CACNA1C: variants seen among roughly 807,000 people sequenced by gnomAD.
The protein encoded by CACNA1C is calcium voltage-gated channel subunit alpha1 C, also known as voltage-dependent L-type calcium channel subunit alpha-1C.
CACNA1C carries 30 observed loss-of-function variants against 229.0 expected under a neutral mutation model. The observed-to-expected ratio is 0.13, with a 90% CI of 0.10 to 0.18. CACNA1C has a LOEUF of 0.18. Ranked by LOEUF, CACNA1C falls within the 10% of genes least tolerant of loss-of-function variation. The pLI is 1.00. For missense variants in CACNA1C, 1,658 were observed against 2,845.0 expected, an observed-to-expected ratio of 0.58 and a Z score of 9.49; for synonymous variants, 1,114 against 1,132.5, an observed-to-expected ratio of 0.98 and a Z score of 0.33.
intron 3 of CACNA1C, among the ~76,000 whole-genome samples, chr12:2,157,449 C>G (rs917301607): frequency 6.6e-6 from 1 of 152,200 alleles, no homozygotes; most frequent in Non-Finnish European, 1.5e-5. Context: ...GCAGCACGCC[C>G]GGGGCGAATA....
In CACNA1C at chr12:2,651,943, C is replaced by T. The variant is rs2095034593; in HGVS notation, c.4074+175C>T. 6.6e-6 allele frequency among the ~76,000 whole-genome samples: 1 copy of T among 151,954 alleles called. No homozygotes were observed. Among genetic ancestry groups the T allele is most frequent in the African/African-American group, 2.4e-5 (1 of 41,360 alleles). ...TCCGCACCGAGAGGCCTAGACGAAG[C>T]ATGTGGTTTCCAAGGCAGGCTCAGA... On this transcript the variant is annotated intron_variant, in intron 32 of 46. Coordinates refer to ENST00000399655, the MANE Select transcript of CACNA1C (RefSeq NM_000719.7). This position sits in a 1 kb window ranked among gnomAD's most constrained non-coding sequence, Gnocchi z 5.4.
intron 3 of CACNA1C, among the ~76,000 whole-genome samples, chr12:2,137,153 A>G (rs532719769): frequency 2.0e-5 from 3 of 151,422 alleles, no homozygotes; most frequent in African/African-American, 7.2e-5. Context: ...GGAGACGTGG[A>G]AACATCGAAG....
chr12:2,291,429 CTT>C (rs900725101), intron 3 of CACNA1C, among the ~76,000 whole-genome samples: 3 of 152,196 alleles, frequency 2.0e-5, no homozygotes, highest in Non-Finnish European at 4.4e-5. Context: ...CTCGACTGCT[CTT>C]TGGTGAGCAG....
rs565229805 is a variant in CACNA1C at position 1,986,078 on chromosome 12, G to A, written c.139+14877G>A. Among the ~76,000 whole-genome samples, 6 of 152,356 alleles carry A rather than the reference G, an allele frequency of 3.9e-5. No individual in the cohort carries two copies. The South Asian group carries it at 1.2e-3, about 32-fold the overall frequency. Reference sequence around the variant, plus strand: ...TCTGCCCGCCTTGGCCTCCCAAAGTGCTGGGATTACAGGCGTGAGCCACTG... The same window carrying A: ...TCTGCCCGCCTTGGCCTCCCAAAGTACTGGGATTACAGGCGTGAGCCACTG... On this transcript the variant is annotated intron_variant, in intron 1 of 46. Coordinates refer to the CACNA1C transcript ENST00000682462.
At chr12:2,352,232 T>G (rs2097221477) in intron 3 of CACNA1C, among the ~76,000 whole-genome samples, 1 of 152,178 alleles carries the variant, frequency 6.6e-6, no homozygotes, top group East Asian at 1.9e-4. Flanking sequence ...AGACATTACT[T>G]TCTTCTCCCA....
At chr12:1,977,083 G>A (rs2034623977) in intron 1 of CACNA1C, among the ~76,000 whole-genome samples, 1 of 152,166 alleles carries the variant, frequency 6.6e-6, no homozygotes, top group Non-Finnish European at 1.5e-5. Flanking sequence ...AATTTACACA[G>A]AGTTCACTTT....
At position 2,582,364 on chromosome 12, in the gene CACNA1C, T is replaced by C. The variant is rs368175241; in HGVS notation, c.2104-458T>C. 4.6e-5 allele frequency among the ~76,000 whole-genome samples: 7 copies of C among 152,302 alleles called. No individual in the cohort carries two copies. The South Asian group carries it at 6.2e-4, about 14-fold the overall frequency. ...GGGCAAACTCAAAGTGGCATCTATTTAAGTTTAAAAGCAGATCGATTGAGA... is the reference window on the plus strand; with the variant it reads ...GGGCAAACTCAAAGTGGCATCTATTCAAGTTTAAAAGCAGATCGATTGAGA... On this transcript the variant is annotated intron_variant, in intron 14 of 46. Transcript: ENST00000399655.
At chr12:2,673,465 TAAAAAA>T (rs527320564) in intron 38 of CACNA1C, among the ~76,000 whole-genome samples, 1 of 100,694 alleles carries the variant, frequency 9.9e-6, no homozygotes, top group Admixed American at 1.1e-4. Flanking sequence ...AACTTCCGTC[TAAAAAA>T]AAAAAAAAAA....
intron 7 of CACNA1C, among the ~76,000 whole-genome samples, chr12:2,497,009 A>G (rs888599886): frequency 2.0e-4 from 30 of 152,226 alleles, no homozygotes; most frequent in Non-Finnish European, 1.5e-5. Flanking sequence ...GGAAGAACCT[A>G]ATGTGTAACG....
intron 1 of CACNA1C, among the ~76,000 whole-genome samples, chr12:2,039,599 A>G (rs982501786): frequency 4.6e-5 from 7 of 152,230 alleles, no homozygotes; most frequent in African/African-American, 1.2e-4. Flanking sequence ...TTGGGAATAC[A>G]GGAGGTAAAC....
chr12:2,666,469 A>T lies in CACNA1C; in HGVS notation c.4527-217A>T, dbSNP rs937825688. The T allele has an allele frequency of 8.9e-6, 4 of 449,420 alleles. No homozygotes were observed. The highest frequency in any genetic ancestry group is 1.6e-5 in the Non-Finnish European group (4 of 254,866). The allele number at this position is 449,420 out of a possible 1,614,324, so 27.8% of individuals were successfully genotyped here. On this transcript the variant is annotated intron_variant, in intron 36 of 46. Coordinates refer to ENST00000399655, the MANE Select transcript of CACNA1C (RefSeq NM_000719.7). The surrounding 1 kb of genome is among the most constrained non-coding windows in gnomAD (Gnocchi z 5.3). ...CACCTTGAACATAGCATGGGCAGAA[A>T]ATGATTCATTAAAATCTAAACACGT...
At chr12:2,547,635 T>C (rs2099884083) in intron 9 of CACNA1C, 3 of 702,580 alleles carry the variant, frequency 4.3e-6, no homozygotes, top group Non-Finnish European at 7.9e-6. Flanking sequence ...TGTGTGTGCA[T>C]ATATGTGTAT....
chr12:2,256,257 T>C (rs1430199331), intron 3 of CACNA1C, among the ~76,000 whole-genome samples: 1 of 152,170 alleles, frequency 6.6e-6, no homozygotes, highest in African/African-American at 2.4e-5. Context: ...CTTGCACATA[T>C]TAAATTTTGA....
In CACNA1C at chr12:2,664,957, C is replaced by T; in HGVS notation, c.4365C>T (p.Tyr1455=). 6.2e-7 allele frequency: 1 copy of T among 1,614,206 alleles called. No individual in the cohort carries two copies. Among genetic ancestry groups the T allele is most frequent in the Non-Finnish European group, 8.5e-7 (1 of 1,180,018 alleles). ...GTGGTAGCAGCTTTGCTGTCTTCTA[C>T]TTCATCAGCTTCTACATGCTCTGTG... The part of the protein sequence containing the change: ...TPCGSSFAVF[Y]FISFYMLCAF... The change falls in exon 35 of 47, where the codon TAC becomes TAT. Residue 1455 remains tyrosine (Y), a synonymous_variant. Transcript: ENST00000399655.
At chr12:2,527,791 G>A (rs1020903728) in intron 9 of CACNA1C, among the ~76,000 whole-genome samples, 2 of 152,120 alleles carry the variant, frequency 1.3e-5, no homozygotes, top group African/African-American at 4.8e-5. Flanking sequence ...GAGAGCATCT[G>A]CTTGACATGA....
intron 8 of CACNA1C, among the ~76,000 whole-genome samples, chr12:2,510,929 A>C (rs1443596969): frequency 1.3e-5 from 2 of 152,174 alleles, no homozygotes; most frequent in Non-Finnish European, 2.9e-5. Flanking sequence ...GGTACAGGGG[A>C]TAAGAGGTTA....
intron 7 of CACNA1C, among the ~76,000 whole-genome samples, chr12:2,495,295 A>G (rs2099744465): frequency 6.6e-6 from 1 of 152,238 alleles, no homozygotes; most frequent in African/African-American, 2.4e-5. Context: ...CCAAGGACAG[A>G]AACATCCTTC....
At chr12:2,280,471 C>T (rs538799047) in intron 3 of CACNA1C, among the ~76,000 whole-genome samples, 1 of 80,316 alleles carries the variant, frequency 1.2e-5, no homozygotes, top group East Asian at 2.7e-4. Flanking sequence ...TGCTGTGCTT[C>T]GGTTTAACCT....
chr12:2,117,596 C>T (rs1374250735), intron 2 of CACNA1C, among the ~76,000 whole-genome samples: 1 of 152,246 alleles, frequency 6.6e-6, no homozygotes, highest in Non-Finnish European at 1.5e-5. Context: ...AATCCAGGTT[C>T]CCCTGACCCC....
Sources: allele counts gnomAD v4.1 joint callset (sites outside exome capture counted in the v4.1 genomes callset), GRCh38; gene constraint gnomAD v4.1.1; non-coding constraint Gnocchi (gnomAD v3.1); transcripts MANE v1.5; gene names NCBI Gene and HGNC (gene_info 2026-07-23, HGNC 2026-07-21).